Variants in MYO16 observed in about 807,000 individuals in gnomAD.
The protein encoded by MYO16 is myosin XVI.
Under a neutral mutation model 205.3 loss-of-function variants are expected in MYO16, and 94 were observed. The observed-to-expected ratio is 0.46, with a 90% confidence interval of 0.39 to 0.54. The LOEUF (loss-of-function observed/expected upper bound fraction) is 0.54. MYO16 is among the 20% of genes least tolerant of loss of function. The pLI, the probability that MYO16 is intolerant of heterozygous loss-of-function variation, is 0.00. For missense variants in MYO16, 2,315 were observed against 2,387.5 expected (o/e 0.97, Z 0.63); for synonymous variants, 988 against 954.0 (o/e 1.04, Z -0.66).
chr13:108,639,494 A>C (rs7984447), intron 1 of MYO16, among the ~76,000 whole-genome samples: 5 of 152,052 alleles, frequency 3.3e-5, no homozygotes, highest in Admixed American at 6.5e-5. Flanking sequence ...TCTTATCAGC[A>C]CTTCAAACCT....
intron 1 of MYO16, among the ~76,000 whole-genome samples, chr13:108,635,720 G>A (rs1453486016): frequency 2.0e-5 from 3 of 151,858 alleles, no homozygotes; most frequent in African/African-American, 7.3e-5. Context: ...GGCTGGTCTC[G>A]AACTTCTGAC....
chr13:108,692,458 G>C (rs1194675753), intron 2 of MYO16, among the ~76,000 whole-genome samples: 1 of 152,190 alleles, frequency 6.6e-6, no homozygotes, highest in Admixed American at 6.5e-5. Context: ...TTGTGGGGCA[G>C]TTCTCTCCTG....
intron 3 of MYO16, among the ~76,000 whole-genome samples, chr13:108,714,398 C>T (rs1001019252): frequency 3.3e-5 from 5 of 152,122 alleles, no homozygotes; most frequent in Admixed American, 6.5e-5. Context: ...CATGTTTGCA[C>T]GTCCCAGTAG....
intron 20 of MYO16, among the ~76,000 whole-genome samples, chr13:108,973,828 C>G (rs1325963923): frequency 4.6e-5 from 7 of 151,998 alleles, no homozygotes; most frequent in Non-Finnish European, 1.5e-5. Flanking sequence ...TAATATTCTT[C>G]AGAAAAATTG....
At chr13:109,060,493 G>A (rs778188441) in intron 27 of MYO16, among the ~76,000 whole-genome samples, 55 of 152,136 alleles carry the variant, frequency 3.6e-4, no homozygotes, top group Non-Finnish European at 7.6e-4. Context: ...GGGGGCTGGG[G>A]GGCAAGGGGA....
At chr13:109,103,492 CAG>C (rs1418662119) in intron 28 of MYO16, among the ~76,000 whole-genome samples, 1 of 152,170 alleles carries the variant, frequency 6.6e-6, no homozygotes, top group African/African-American at 2.4e-5. Flanking sequence ...TGCTGGAGGA[CAG>C]AAGTGATTAG....
chr13:108,797,617 T>C (rs1886832243), intron 6 of MYO16, among the ~76,000 whole-genome samples: 1 of 152,220 alleles, frequency 6.6e-6, no homozygotes, highest in South Asian at 2.1e-4. Context: ...TTGGAGGTCA[T>C]TGACTTTCTC....
chr13:108,650,648 T>C (rs962671620), intron 1 of MYO16, among the ~76,000 whole-genome samples: 5 of 152,310 alleles, frequency 3.3e-5, no homozygotes, highest in African/African-American at 1.2e-4. Context: ...ACTTCTCTTT[T>C]GGGATATAGC....
intron 7 of MYO16, among the ~76,000 whole-genome samples, chr13:108,818,339 G>A (rs1021532250): frequency 6.6e-6 from 1 of 151,170 alleles, no homozygotes; most frequent in Non-Finnish European, 1.5e-5. Context: ...AGCCAAGATG[G>A]CGCCACTGCA....
chr13:108,571,822 G>T, the MYO16 span, among the ~76,000 whole-genome samples: 1 of 150,400 alleles, frequency 6.6e-6, no homozygotes, highest in East Asian at 1.9e-4. Flanking sequence ...TGTGTGTCTT[G>T]TATGTAACTC....
chr13:109,107,332 A>T (rs1291978405), intron 28 of MYO16, among the ~76,000 whole-genome samples: 1 of 152,230 alleles, frequency 6.6e-6, no homozygotes, highest in Non-Finnish European at 1.5e-5. Context: ...GAAATAAGTC[A>T]TAGTTTGAAA....
chr13:108,790,501 A>G (rs1169387866), intron 5 of MYO16, among the ~76,000 whole-genome samples: 2 of 152,214 alleles, frequency 1.3e-5, no homozygotes, highest in African/African-American at 2.4e-5. Flanking sequence ...TCAAAAAACA[A>G]TACGAAAATC....
At chr13:108,851,942 C>G (rs1877894552) in intron 10 of MYO16, among the ~76,000 whole-genome samples, 1 of 152,114 alleles carries the variant, frequency 6.6e-6, no homozygotes, top group South Asian at 2.1e-4. Context: ...GCTGCCTCCT[C>G]CCACCTCCTC....
At chr13:108,700,348 AAAGAAGAAG>A (rs56374914) in intron 2 of MYO16, among the ~76,000 whole-genome samples, 4,416 of 129,476 alleles carry the variant, frequency 0.034, 386 homozygotes, top group Middle Eastern at 0.081. Context: ...AAAAAAAAAA[AAAGAAGAAG>A]AAGAAGAAGA....
intron 4 of MYO16, among the ~76,000 whole-genome samples, chr13:108,737,066 A>G (rs1884728686): frequency 6.6e-6 from 1 of 152,208 alleles, no homozygotes; most frequent in Admixed American, 6.5e-5. Context: ...CTAGATATAC[A>G]GTCATGTCAT....
chr13:108,767,618 T>TA, intron 4 of MYO16, among the ~76,000 whole-genome samples: 7 of 152,188 alleles, frequency 4.6e-5, no homozygotes, highest in African/African-American at 1.4e-4. Context: ...TGAAATTATG[T>TA]TATTTCCCCA....
chr13:109,193,781 C>T (rs1222644311), intron 34 of MYO16, among the ~76,000 whole-genome samples: 1 of 152,098 alleles, frequency 6.6e-6, no homozygotes, highest in Non-Finnish European at 1.5e-5. Flanking sequence ...TAGTTATTCA[C>T]GACTCTATTG....
intron 1 of MYO16, among the ~76,000 whole-genome samples, chr13:108,620,767 G>C (rs116250765): frequency 8.7e-4 from 133 of 152,282 alleles, no homozygotes; most frequent in African/African-American, 3.1e-3. Context: ...TGGGGGCCTT[G>C]AGTGGCCTCC....
intron 16 of MYO16, among the ~76,000 whole-genome samples, chr13:108,947,892 G>T (rs1480577974): frequency 6.6e-6 from 1 of 152,190 alleles, no homozygotes; most frequent in Non-Finnish European, 1.5e-5. Flanking sequence ...AAAGGATTCT[G>T]TTCTTTTCCT....
Sources: gnomAD v4.1 joint callset for allele counts (sites outside exome capture counted in the v4.1 genomes callset) on GRCh38, gnomAD v4.1.1 for gene constraint, MANE v1.5 for transcripts, NCBI Gene and HGNC (gene_info 2026-07-23, HGNC 2026-07-21) for gene names.